GRID2: variants seen among roughly 807,000 people sequenced by gnomAD.
GRID2 encodes the protein glutamate receptor ionotropic, delta-2.
A neutral mutation model predicts 114.8 loss-of-function variants in GRID2; 33 were observed. The ratio of observed to expected loss-of-function variants is 0.29; its 90% CI spans 0.22 to 0.38. The LOEUF is 0.38. Among genes scored for constraint, GRID2 ranks in the 10% least tolerant of loss-of-function variants. The pLI is 1.00. For missense variants in GRID2, 1,184 were observed against 1,257.7 expected (o/e 0.94, Z 0.89); for synonymous variants, 505 against 449.9 (o/e 1.12, Z -1.55).
chr4:93,274,456 G>A (rs1751831844), intron 8 of GRID2, among the ~76,000 whole-genome samples: 1 of 152,038 alleles, frequency 6.6e-6, no homozygotes, highest in Non-Finnish European at 1.5e-5. Flanking sequence ...AGAATTACTA[G>A]CAGATTTAAG....
In GRID2 at chr4:92,915,172, T is replaced by C. The variant is rs187785123; in HGVS notation, c.245-169823T>C. Among the ~76,000 whole-genome samples the C allele has an allele frequency of 6.5e-4, 99 of 152,224 alleles. 1 individual carries two copies. Among genetic ancestry groups the C allele is most frequent in the African/African-American group, 2.2e-3 (90 of 41,562 alleles). The stretch of plus-strand genomic sequence containing the variant: ...TCTCATGAGAACTTACTCAGAATAA[T>C]GAGAACAGCAAGGGGGAAACCGCCC... On this transcript the variant is annotated intron_variant, in intron 2 of 15. Coordinates refer to ENST00000282020, the MANE Select transcript of GRID2 (RefSeq NM_001510.4).
At chr4:92,371,188 G>A (rs187605792) in intron 1 of GRID2, among the ~76,000 whole-genome samples, 15 of 152,232 alleles carry the variant, frequency 9.9e-5, no homozygotes, top group African/African-American at 3.1e-4. Flanking sequence ...AAAGTACAAG[G>A]TAAAGCCTCA....
chr4:92,395,218 CAT>C (rs1560604923), intron 1 of GRID2, among the ~76,000 whole-genome samples: 1 of 151,362 alleles, frequency 6.6e-6, no homozygotes, highest in African/African-American at 2.4e-5. Context: ...TACAATAAAA[CAT>C]AGAATTAAAA....
intron 10 of GRID2, among the ~76,000 whole-genome samples, chr4:93,438,899 T>A (rs1166977464): frequency 6.6e-6 from 1 of 151,732 alleles, no homozygotes; most frequent in Non-Finnish European, 1.5e-5. Context: ...GTTCTCATTG[T>A]TCAATTCCCA....
At chr4:93,380,373 T>A (rs906534145) in intron 8 of GRID2, among the ~76,000 whole-genome samples, 1 of 151,730 alleles carries the variant, frequency 6.6e-6, no homozygotes, top group Non-Finnish European at 1.5e-5. Context: ...ATACTTTGAT[T>A]TCATATCTGT....
intron 1 of GRID2, among the ~76,000 whole-genome samples, chr4:92,399,048 C>A (rs1730649049): frequency 6.6e-6 from 1 of 152,088 alleles, no homozygotes; most frequent in African/African-American, 2.4e-5. Context: ...TAGTTAGAGA[C>A]CAAATTACTC....
chr4:92,468,995 A>G (rs1047489606), intron 1 of GRID2, among the ~76,000 whole-genome samples: 1 of 152,130 alleles, frequency 6.6e-6, no homozygotes, highest in African/African-American at 2.4e-5. Flanking sequence ...CACATTTCTG[A>G]GTGGAAGTAA....
At chr4:93,560,868 T>A (rs1734855669) in intron 13 of GRID2, among the ~76,000 whole-genome samples, 1 of 152,140 alleles carries the variant, frequency 6.6e-6, no homozygotes, top group African/African-American at 2.4e-5. Flanking sequence ...GTTTCTATTT[T>A]TAATTTCAAT....
chr4:92,991,330 A>C (rs183927759), intron 2 of GRID2, among the ~76,000 whole-genome samples: 1 of 152,330 alleles, frequency 6.6e-6, no homozygotes. Flanking sequence ...TAGGCCAAAA[A>C]AATTACTGTA....
At chr4:93,256,057 G>T (rs1329589324) in intron 8 of GRID2, among the ~76,000 whole-genome samples, 1 of 151,940 alleles carries the variant, frequency 6.6e-6, no homozygotes, top group African/African-American at 2.4e-5. Context: ...AACCCTGATT[G>T]CTGAAATACA....
At chr4:92,829,712 G>T (rs1242035495) in intron 2 of GRID2, among the ~76,000 whole-genome samples, 2 of 152,088 alleles carry the variant, frequency 1.3e-5, no homozygotes, top group African/African-American at 4.8e-5. Flanking sequence ...ACTGGACAAA[G>T]AAAATGTGGC....
At chr4:93,315,897 A>G (rs1447936973) in intron 8 of GRID2, among the ~76,000 whole-genome samples, 1 of 152,152 alleles carries the variant, frequency 6.6e-6, no homozygotes, top group African/African-American at 2.4e-5. Flanking sequence ...AAGTGAAATA[A>G]CCCATTGACA....
chr4:92,540,207 A>G (rs1286406739), intron 1 of GRID2, among the ~76,000 whole-genome samples: 2 of 152,194 alleles, frequency 1.3e-5, no homozygotes, highest in Non-Finnish European at 2.9e-5. Flanking sequence ...AAGAAAACCT[A>G]GGCAATACCA....
At chr4:92,374,200 T>A (rs1208290595) in intron 1 of GRID2, among the ~76,000 whole-genome samples, 2 of 152,124 alleles carry the variant, frequency 1.3e-5, no homozygotes, top group African/African-American at 2.4e-5. Flanking sequence ...TTAAGTCTGA[T>A]AAGAAACATT....
chr4:92,956,903 A>G lies in GRID2; in HGVS notation c.245-128092A>G, dbSNP rs201211465. ...TTTTAATTTTAATTTGCATTTCCCTAATGACATATGATGTGGAGCATATTT... is the reference window on the plus strand; with the variant it reads ...TTTTAATTTTAATTTGCATTTCCCTGATGACATATGATGTGGAGCATATTT... On this transcript the variant is annotated intron_variant, in intron 2 of 15. Transcript: ENST00000282020. Among the ~76,000 whole-genome samples the G allele has an allele frequency of 1.2e-4, 18 of 152,296 alleles. 1 individual carries two copies. In the East Asian group the frequency reaches 3.5e-3, roughly 29 times the overall value.
At chr4:93,407,865 C>G (rs1337546024) in intron 9 of GRID2, among the ~76,000 whole-genome samples, 1 of 151,162 alleles carries the variant, frequency 6.6e-6, no homozygotes, top group Non-Finnish European at 1.5e-5. Context: ...GCTTCTCCTT[C>G]TCCTCCTTCT....
intron 2 of GRID2, among the ~76,000 whole-genome samples, chr4:92,883,593 G>A (rs888912444): frequency 6.6e-6 from 1 of 152,154 alleles, no homozygotes; most frequent in Non-Finnish European, 1.5e-5. Context: ...GAGACTGAAA[G>A]TTGAAATTAC....
intron 4 of GRID2, among the ~76,000 whole-genome samples, chr4:93,141,154 G>C (rs2149386358): frequency 6.6e-6 from 1 of 151,980 alleles, no homozygotes; most frequent in East Asian, 1.9e-4. Flanking sequence ...TTACTATTTT[G>C]TAGTTCTATT....
chr4:93,200,082 G>A (rs559614319), intron 4 of GRID2, among the ~76,000 whole-genome samples: 3 of 152,248 alleles, frequency 2.0e-5, no homozygotes, highest in African/African-American at 7.2e-5. Flanking sequence ...CAACACTCAG[G>A]CAACTGGATA....
Sources: allele counts gnomAD v4.1 joint callset (sites outside exome capture counted in the v4.1 genomes callset), GRCh38; gene constraint gnomAD v4.1.1; transcripts MANE v1.5; gene names NCBI Gene and HGNC (gene_info 2026-07-23, HGNC 2026-07-21).